The following DOCK10 variants were observed in gnomAD, a reference collection of about 807,000 sequenced individuals.
DOCK10 encodes the protein dedicator of cytokinesis protein 10.
A neutral mutation model predicts 280.1 loss-of-function variants in DOCK10; 145 were observed. The observed-to-expected ratio is 0.52, with a 90% CI of 0.45 to 0.59. The LOEUF is 0.59. Ranked by LOEUF, DOCK10 falls within the 20% of genes least tolerant of loss-of-function variation. The pLI is 0.00. For missense variants in DOCK10, 2,368 were observed against 2,651.7 expected (o/e 0.89, Z 2.35); for synonymous variants, 915 against 942.2 (o/e 0.97, Z 0.53).
rs537089684 is a variant in DOCK10 at position 224,884,485 on chromosome 2, TC to T, written c.747+1185del. Reference sequence around the variant, plus strand: ...AGGTTGCTAAAACACTTTTGATTGCTCCCATGATTACATAAAAGGGAATAAG... The same window carrying T: ...AGGTTGCTAAAACACTTTTGATTGCTCCATGATTACATAAAAGGGAATAAG... On this transcript the variant is annotated intron_variant, in intron 7 of 55. Coordinates refer to ENST00000258390, the MANE Select transcript of DOCK10 (RefSeq NM_014689.3). Among the ~76,000 whole-genome samples the T allele has an allele frequency of 3.3e-3, 495 of 152,276 alleles. 1 individual carries two copies. The highest frequency in any genetic ancestry group is 0.011 in the African/African-American group (453 of 41,552).
At chr2:225,023,016 A>C (rs1689823664) in intron 1 of DOCK10, among the ~76,000 whole-genome samples, 1 of 152,148 alleles carries the variant, frequency 6.6e-6, no homozygotes, top group African/African-American at 2.4e-5. Context: ...AAATAAATTA[A>C]ACAAATTTCC....
chr2:224,831,989 T>G (rs942815568), intron 26 of DOCK10, among the ~76,000 whole-genome samples: 1 of 152,186 alleles, frequency 6.6e-6, no homozygotes, highest in Non-Finnish European at 1.5e-5. Context: ...AGGTGCAGTA[T>G]GAGAAGAACA....
At position 224,774,951 on chromosome 2, in the gene DOCK10, C is replaced by A. The variant is rs1690728179; in HGVS notation, c.5967G>T (p.Lys1989Asn). The A allele has an allele frequency of 6.2e-7, 1 of 1,609,810 alleles. No individual in the cohort carries two copies. Among genetic ancestry groups the A allele is most frequent in the African/African-American group, 1.3e-5 (1 of 74,898 alleles). Residue 1989 changes from lysine to asparagine, a missense_variant, in exon 52 of 56, where the codon AAG (lysine) becomes AAT (asparagine). Lys to Asn is a moderately conservative substitution (Grantham distance 94). This residue lies in a region of DOCK10 where 1,159 missense variants were observed against 1,400.8 expected (regional missense o/e 0.83). Transcript: ENST00000258390. ...FETPFTLSGK[K>N]HGGVAEQCKR... is the part of the protein sequence containing the mutation. ...TGCACTGCTCCGCCACCCCACCGTG[C>A]TTCTTGCCCGACAGCGTGAAGGGTG...
chr2:224,865,045 C>T lies in DOCK10; in HGVS notation c.1300G>A (p.Asp434Asn). ...AAATCAGCAGAAATCTTCCTGCTGT[C>T]TCTGAGGTCATAAAGTGCCACACTC... is the stretch of plus-strand genomic sequence containing the variant. ...FVSVALYDLR[D>N]SRKISADFHV... is the part of the protein sequence containing the mutation. Residue 434 changes from aspartate (D) to asparagine (N), a missense_variant, in exon 12 of 56, where the codon GAC (aspartate) becomes AAC (asparagine). Asp to Asn is a conservative substitution (Grantham distance 23). Coordinates refer to ENST00000258390, the MANE Select transcript of DOCK10 (RefSeq NM_014689.3). The T allele has an allele frequency of 6.2e-7, 1 of 1,613,908 alleles. No homozygotes were observed. The highest frequency in any genetic ancestry group is 8.5e-7 in the Non-Finnish European group (1 of 1,179,872).
At chr2:224,857,253 C>G (rs548785582) in intron 14 of DOCK10, among the ~76,000 whole-genome samples, 12 of 152,262 alleles carry the variant, frequency 7.9e-5, no homozygotes, top group Non-Finnish European at 1.3e-4. Context: ...TAACTTGTAT[C>G]AAAACCTTGG....
chr2:224,852,417 T>A lies in DOCK10; in HGVS notation c.2102A>T (p.Glu701Val). The A allele has an allele frequency of 1.9e-6, 3 of 1,570,548 alleles. No homozygotes were observed. Among genetic ancestry groups the A allele is most frequent in the Non-Finnish European group, 2.6e-6 (3 of 1,156,568 alleles). Residue 701 changes from glutamate to valine, a missense_variant, in exon 18 of 56, where the codon GAA becomes GTA. Glu to Val is a moderately radical substitution (Grantham distance 121). Around this residue, in one of 2 missense-constraint regions of DOCK10, gnomAD observed 1,209 missense variants for 1,250.9 expected, o/e 0.97. Coordinates refer to ENST00000258390, the MANE Select transcript of DOCK10 (RefSeq NM_014689.3). ...ACTTTCTTCATCTGAATTTTTGAAT[T>A]CAATGCACACAGTTATATTCCGTGC... ...NKARNITVCI[E>V]FKNSDEESAK...
chr2:224,770,696 T>C lies in DOCK10; in HGVS notation c.6205-51A>G. The C allele has an allele frequency of 7.4e-7, 1 of 1,345,612 alleles. No homozygotes were observed. Among genetic ancestry groups the C allele is most frequent in the Admixed American group, 1.7e-5 (1 of 59,130 alleles). The allele number at this position is 1,345,612 out of a possible 1,614,324, so 83.4% of individuals were successfully genotyped here. On this transcript the variant is annotated intron_variant, in intron 53 of 55. Transcript: ENST00000258390. The surrounding 1 kb of genome is among the most constrained non-coding windows in gnomAD (Gnocchi z 4.5). Reference sequence around the variant, plus strand: ...ATGATCTACCTTCTGCATGGAGTCTTTTCCACCGCTGGAAGAGGAGCAACT... The same window carrying C: ...ATGATCTACCTTCTGCATGGAGTCTCTTCCACCGCTGGAAGAGGAGCAACT...
At chr2:224,803,414 T>C in intron 39 of DOCK10, among the ~76,000 whole-genome samples, 1 of 152,238 alleles carries the variant, frequency 6.6e-6, no homozygotes, top group Non-Finnish European at 1.5e-5. Flanking sequence ...TCTAAAATAT[T>C]CATAATATAT....
At chr2:224,791,461 C>A (rs1343814928) in intron 47 of DOCK10, among the ~76,000 whole-genome samples, 1 of 148,488 alleles carries the variant, frequency 6.7e-6, no homozygotes. Flanking sequence ...TCATTTGGTT[C>A]AAAAGTCTTT....
At position 224,988,649 on chromosome 2, in the gene DOCK10, A is replaced by C. The variant is rs191273031; in HGVS notation, c.123+53603T>G. ...GCAACCCTGGAAAATTCCCTTTGAG[A>C]GCTGGTCTGTCCCTCACAGGAAAGT... On this transcript the variant is annotated intron_variant, in intron 1 of 55. Transcript: ENST00000258390. Among the ~76,000 whole-genome samples, 272 of 152,298 alleles carry C rather than the reference A, an allele frequency of 1.8e-3. 1 individual carries two copies. Among genetic ancestry groups the C allele is most frequent in the African/African-American group, 6.2e-3 (259 of 41,564 alleles).
At chr2:224,967,624 A>C (rs1003350755) in intron 1 of DOCK10, among the ~76,000 whole-genome samples, 8 of 152,154 alleles carry the variant, frequency 5.3e-5, no homozygotes, top group African/African-American at 1.9e-4. Context: ...TTAAGCCTCA[A>C]ACTGGCTCTG....
At chr2:224,858,285 T>C (rs1206959998) in intron 14 of DOCK10, among the ~76,000 whole-genome samples, 1 of 152,222 alleles carries the variant, frequency 6.6e-6, no homozygotes, top group Non-Finnish European at 1.5e-5. Flanking sequence ...TTGGACACTT[T>C]TCATAAAGAG....
chr2:224,911,446 G>A (rs1385922523), intron 3 of DOCK10, among the ~76,000 whole-genome samples: 1 of 152,178 alleles, frequency 6.6e-6, no homozygotes, highest in African/African-American at 2.4e-5. Context: ...CTCTTGTGTT[G>A]TATGGATCCA....
Position 224,797,959 on chromosome 2 carries a change from T to TG in DOCK10, c.4516dup (p.Gln1506ProfsTer4). The TG allele has an allele frequency of 6.2e-7, 1 of 1,613,224 alleles. No individual in the cohort carries two copies. The highest frequency in any genetic ancestry group is 8.5e-7 in the Non-Finnish European group (1 of 1,179,598). ...CAATGAATTTTGACAGTCACATTGT[T>TG]GGAGTTGTCTCTGGAAATTCAATGC... On this transcript the variant is annotated frameshift_variant, in exon 42 of 56. Coordinates refer to ENST00000258390, the MANE Select transcript of DOCK10 (RefSeq NM_014689.3). LOFTEE classifies it high-confidence loss of function.
At chr2:224,824,532 G>GT (rs1697025500) in intron 27 of DOCK10, among the ~76,000 whole-genome samples, 1 of 141,436 alleles carries the variant, frequency 7.1e-6, no homozygotes, top group South Asian at 2.2e-4. Flanking sequence ...TACCTCCTCA[G>GT]TTTAAGTAAT....
chr2:224,779,222 C>CT (rs113624569), intron 50 of DOCK10, among the ~76,000 whole-genome samples: 47,595 of 143,090 alleles, frequency 0.33, 8,588 homozygotes, highest in East Asian at 0.78. Flanking sequence ...TATCTGGTTT[C>CT]TTTTTTTTTT....
At chr2:225,021,052 C>T (rs1430427410) in intron 1 of DOCK10, among the ~76,000 whole-genome samples, 1 of 152,188 alleles carries the variant, frequency 6.6e-6, no homozygotes, top group Admixed American at 6.5e-5. Context: ...AGAGCTTTGC[C>T]TCCTGCAGAA....
intron 1 of DOCK10, among the ~76,000 whole-genome samples, chr2:224,996,053 C>T (rs1379784729): frequency 6.6e-6 from 1 of 152,154 alleles, no homozygotes; most frequent in Non-Finnish European, 1.5e-5. Context: ...ATGGCTAGGC[C>T]ATTACTTGGC....
intron 1 of DOCK10, among the ~76,000 whole-genome samples, chr2:224,943,496 A>G (rs1335329175): frequency 6.6e-6 from 1 of 152,098 alleles, no homozygotes; most frequent in African/African-American, 2.4e-5. Flanking sequence ...TTCGATTCAG[A>G]AATGACTTGA....
Sources: allele counts gnomAD v4.1 joint callset (sites outside exome capture counted in the v4.1 genomes callset), GRCh38; gene constraint gnomAD v4.1.1; regional missense constraint gnomAD v4.1.1; non-coding constraint Gnocchi (gnomAD v3.1); transcripts MANE v1.5; gene names NCBI Gene and HGNC (gene_info 2026-07-23, HGNC 2026-07-21).